Variants in EEF1AKMT3 observed in about 807,000 individuals in gnomAD.
The protein encoded by EEF1AKMT3 is EEF1A lysine methyltransferase 3, also known as eEF1A-KMT3.
A neutral mutation model predicts 17.8 loss-of-function variants in EEF1AKMT3; 17 were observed. The ratio of observed to expected loss-of-function variants is 0.96; its 90% CI spans 0.65 to 1.43. The LOEUF is 1.43. Ranked by LOEUF, EEF1AKMT3 falls within the 40% of genes most tolerant of loss-of-function variation. The pLI is 0.00. For synonymous variants in EEF1AKMT3, 116 were observed against 126.5 expected (o/e 0.92, Z 0.56); for missense variants, 244 against 285.8 (o/e 0.85, Z 1.06).
In EEF1AKMT3 at chr12:57,772,734, C is replaced by G. The variant is rs1168413226; in HGVS notation, c.10C>G (p.Pro4Ala). The change falls in exon 1 of 3, where the codon CCC (proline) becomes GCC (alanine). Residue 4 changes from proline (P) to alanine (A), a missense_variant. Coordinates refer to ENST00000300209, the MANE Select transcript of EEF1AKMT3 (RefSeq NM_015433.3). This position sits in a 1 kb window ranked among gnomAD's most constrained non-coding sequence, Gnocchi z 4.1. ...TCCCTTGGCGGGCCGGATGGCGGAC[C>G]CCGGCCCAGATCCCGAATCTGAGTC... is the stretch of plus-strand genomic sequence containing the variant. MAD[P>A]GPDPESESES... 6.2e-7 allele frequency: 1 copy of G among 1,612,912 alleles called. No homozygotes were observed. The highest frequency in any genetic ancestry group is 1.7e-5 in the Admixed American group (1 of 59,946).
At position 57,780,286 on chromosome 12, in the gene EEF1AKMT3, G is replaced by A. The variant is rs1054167497; in HGVS notation, c.321G>A (p.Leu107=). 6.2e-7 allele frequency: 1 copy of A among 1,613,730 alleles called. No individual in the cohort carries two copies. The highest frequency in any genetic ancestry group is 1.7e-5 in the Admixed American group (1 of 59,894). The change falls in exon 3 of 3, where the codon CTG becomes CTA. Residue 107 remains leucine, a synonymous_variant. Transcript: ENST00000300209. ...ATGTTACCATCACTGACCTGCCCCT[G>A]GCCCTAGAACAGATCCAGGGCAACG... ...GGDVTITDLP[L]ALEQIQGNVQ...
chr12:57,780,183 C>G, intron 2 of EEF1AKMT3, 72 bp from the exon 3 acceptor site: 1 of 1,572,574 alleles, frequency 6.4e-7, no homozygotes, highest in Non-Finnish European at 8.6e-7. Flanking sequence ...GGTCTCTGGA[C>G]CTTCCAGGCA....
intron 2 of EEF1AKMT3, among the ~76,000 whole-genome samples, chr12:57,776,528 A>G (rs1955481200): frequency 1.3e-5 from 2 of 152,030 alleles, no homozygotes; most frequent in Non-Finnish European, 1.5e-5. Context: ...TCTCTCGTCC[A>G]CTTTTTCTGC....
chr12:57,780,488 A>G lies in EEF1AKMT3; in HGVS notation c.523A>G (p.Thr175Ala), dbSNP rs746655093. 6.2e-7 allele frequency: 1 copy of G among 1,614,132 alleles called. No homozygotes were observed. Among genetic ancestry groups the G allele is most frequent in the Admixed American group, 1.7e-5 (1 of 60,018 alleles). Residue 175 changes from threonine (T) to alanine (A), a missense_variant, in exon 3 of 3, where the codon ACC becomes GCC. Transcript: ENST00000300209. ...TLQHLCRPHG[T>A]IYLASKMRKE... ...CCAACACCTGTGCAGGCCCCATGGCACCATCTATCTGGCCTCCAAGATGAG... is the reference window on the plus strand; with the variant it reads ...CCAACACCTGTGCAGGCCCCATGGCGCCATCTATCTGGCCTCCAAGATGAG...
In EEF1AKMT3 at chr12:57,772,681, C is replaced by G; in HGVS notation, c.-44C>G. ...CTCTACCCCGCTCCGGATCCGGGAT[C>G]TGAGCGCCGGCCGCGGTGCCCAGGC... On this transcript the variant is annotated 5_prime_UTR_variant, in exon 1 of 3. The change creates a new upstream start codon in the 5' untranslated region. Coordinates refer to ENST00000300209, the MANE Select transcript of EEF1AKMT3 (RefSeq NM_015433.3). This position sits in a 1 kb window ranked among gnomAD's most constrained non-coding sequence, Gnocchi z 4.1. 1 of 1,572,184 alleles carries G rather than the reference C, an allele frequency of 6.4e-7. No homozygotes were observed. The highest frequency in any genetic ancestry group is 8.6e-7 in the Non-Finnish European group (1 of 1,159,516).
intron 2 of EEF1AKMT3, 34 bp downstream of exon 2, chr12:57,773,162 G>T: frequency 6.3e-7 from 1 of 1,598,780 alleles, no homozygotes; most frequent in South Asian, 1.1e-5. Flanking sequence ...GAGAGAGTGG[G>T]GACCCAGGGG....
intron 2 of EEF1AKMT3, among the ~76,000 whole-genome samples, chr12:57,777,901 C>T (rs1345725020): frequency 6.6e-6 from 1 of 152,000 alleles, no homozygotes; most frequent in Non-Finnish European, 1.5e-5. Context: ...CGCCTGTAAT[C>T]CCAGCTACTT....
intron 2 of EEF1AKMT3, chr12:57,774,843 T>G (rs950351138): frequency 1.4e-6 from 2 of 1,411,644 alleles, no homozygotes; most frequent in African/African-American, 2.9e-5. Context: ...CGGTGGCTCA[T>G]GCCTATAATC....
In EEF1AKMT3 at chr12:57,778,307, T is replaced by TTTTTTTTTTTTTTTTTTTC. The variant is rs536788916; in HGVS notation, c.290-1947_290-1946insTTTTTTTTTTTTTTTTTCT. 1.2e-3 allele frequency among the ~76,000 whole-genome samples: 125 copies of TTTTTTTTTTTTTTTTTTTC among 105,384 alleles called. 25 individuals carry two copies. The highest frequency in any genetic ancestry group is 4.6e-3 in the East Asian group (11 of 2,378). The allele number at this position is 105,384 out of a possible 152,430, so 69.1% of individuals were successfully genotyped here. A position where few individuals can be genotyped will look rare whatever the true frequency, so the allele number is the denominator to read the frequency against. On this transcript the variant is annotated intron_variant, in intron 2 of 2. Coordinates refer to ENST00000300209, the MANE Select transcript of EEF1AKMT3 (RefSeq NM_015433.3). ...ACCATCCTGAGCTTTTTTTTTTTTT[T>TTTTTTTTTTTTTTTTTTTC]TGAGACAGGTTCTCACTCTGTTGCC...
At chr12:57,774,360 A>T (rs1955466454) in intron 2 of EEF1AKMT3, among the ~76,000 whole-genome samples, 1 of 152,198 alleles carries the variant, frequency 6.6e-6, no homozygotes, top group African/African-American at 2.4e-5. Context: ...TATGCCTGTA[A>T]TCTCAGCTAC....
chr12:57,780,525 G>T lies in EEF1AKMT3; in HGVS notation c.560G>T (p.Gly187Val). 6.2e-7 allele frequency: 1 copy of T among 1,614,080 alleles called. No homozygotes were observed. The highest frequency in any genetic ancestry group is 8.5e-7 in the Non-Finnish European group (1 of 1,179,996). The change falls in exon 3 of 3, where the codon GGG becomes GTG. Residue 187 changes from glycine (G) to valine (V), a missense_variant. Coordinates refer to ENST00000300209, the MANE Select transcript of EEF1AKMT3 (RefSeq NM_015433.3). ...YLASKMRKEH[G>V]TESFFQHLLP... is the part of the protein sequence containing the mutation. ...GCCTCCAAGATGAGAAAGGAGCATG[G>T]GACAGAGAGCTTCTTTCAGCACCTC...
chr12:57,772,986 A>G lies in EEF1AKMT3; in HGVS notation c.178-31A>G, dbSNP rs1565815895. 3.1e-6 allele frequency: 5 copies of G among 1,613,982 alleles called. No individual in the cohort carries two copies. In the South Asian group the frequency reaches 4.4e-5, roughly 14 times the overall value. On this transcript the variant is annotated intron_variant, in intron 1 of 2. Coordinates refer to ENST00000300209, the MANE Select transcript of EEF1AKMT3 (RefSeq NM_015433.3). This position sits in a 1 kb window ranked among gnomAD's most constrained non-coding sequence, Gnocchi z 4.1. ...TCTCCCATATGGAGCCATCCTCACG[A>G]CTGTCTTTTTCTCTGTCTTTTCTCC...
In EEF1AKMT3 at chr12:57,780,258, G is replaced by A. The variant is rs1168290794; in HGVS notation, c.293G>A (p.Gly98Glu). 6.2e-7 allele frequency: 1 copy of A among 1,611,758 alleles called. No homozygotes were observed. Among genetic ancestry groups the A allele is most frequent in the Admixed American group, 1.7e-5 (1 of 59,152 alleles). ...TTTCCTCCTTCCTCTCTCTCAGGGG[G>A]GGATGTTACCATCACTGACCTGCCC... The part of the protein sequence containing the change: ...IVGILAALQG[G>E]DVTITDLPLA... The change falls in exon 3 of 3, where the codon GGG becomes GAG. Residue 98 changes from glycine (G) to glutamate (E), a missense_variant. Physicochemically the swap from Gly to Glu is moderately conservative, Grantham distance 98. Transcript: ENST00000300209.
chr12:57,773,418 T>TTTTTG (rs576281582), intron 2 of EEF1AKMT3, among the ~76,000 whole-genome samples: 11 of 151,818 alleles, frequency 7.2e-5, no homozygotes, highest in African/African-American at 2.4e-4. Flanking sequence ...TTGCTTTTTT[T>TTTTTG]TTGTTTTTAA....
At chr12:57,777,102 G>GCCC (rs1329595243) in intron 2 of EEF1AKMT3, among the ~76,000 whole-genome samples, 1 of 152,068 alleles carries the variant, frequency 6.6e-6, no homozygotes, top group Non-Finnish European at 1.5e-5. Context: ...CTAAGGTCAA[G>GCCC]CCCCCCACTT....
Position 57,772,885 on chromosome 12 carries a change from C to T in EEF1AKMT3, c.161C>T (p.Ala54Val). ...QNFGSRLGVA[A>V]RVWDAALSLC... ...TTTGGGTCCCGCCTCGGGGTGGCGG[C>T]GCGCGTGTGGGACGCGGTGAGGAAT... The change falls in exon 1 of 3, where the codon GCG becomes GTG. Residue 54 changes from alanine (A) to valine (V), a missense_variant. Physicochemically the swap from Ala to Val is moderately conservative, Grantham distance 64. Transcript: ENST00000300209. The surrounding 1 kb of genome is among the most constrained non-coding windows in gnomAD (Gnocchi z 4.1). The T allele has an allele frequency of 1.2e-6, 2 of 1,614,006 alleles. No homozygotes were observed. The highest frequency in any genetic ancestry group is 1.7e-6 in the Non-Finnish European group (2 of 1,179,914).
intron 2 of EEF1AKMT3, among the ~76,000 whole-genome samples, chr12:57,774,127 C>T (rs1287544870): frequency 1.3e-5 from 2 of 152,186 alleles, no homozygotes; most frequent in Non-Finnish European, 2.9e-5. Context: ...CTTACAATGT[C>T]ATCTCCCTAG....
In EEF1AKMT3 at chr12:57,778,293, C is replaced by CTTTTTTTTTTTTTTTTTTTTTTT. The variant is rs56919999; in HGVS notation, c.290-1947_290-1946insTTTTTTTTTTTTTTTTTTTTTTT. The stretch of plus-strand genomic sequence containing the variant: ...CCAAACACCCAGAAACCATCCTGAG[C>CTTTTTTTTTTTTTTTTTTTTTTT]TTTTTTTTTTTTTTTGAGACAGGTT... On this transcript the variant is annotated intron_variant, in intron 2 of 2. Coordinates refer to ENST00000300209, the MANE Select transcript of EEF1AKMT3 (RefSeq NM_015433.3). Among the ~76,000 whole-genome samples the CTTTTTTTTTTTTTTTTTTTTTTT allele has an allele frequency of 1.0e-3, 45 of 43,996 alleles. 18 individuals carry two copies. Among genetic ancestry groups the CTTTTTTTTTTTTTTTTTTTTTTT allele is most frequent in the East Asian group, 3.7e-3 (2 of 544 alleles). 28.9% of individuals were successfully genotyped at this position (43,996 alleles called of 152,430 possible). A position where few individuals can be genotyped will look rare whatever the true frequency, so the allele number is the denominator to read the frequency against.
chr12:57,773,451 G>A (rs1955459316), intron 2 of EEF1AKMT3, among the ~76,000 whole-genome samples: 1 of 151,526 alleles, frequency 6.6e-6, no homozygotes. Flanking sequence ...TTTTGAGACG[G>A]AGTCTCACTG....
Sources: gnomAD v4.1 joint callset for allele counts (sites outside exome capture counted in the v4.1 genomes callset) on GRCh38, gnomAD v4.1.1 for gene constraint, Gnocchi (gnomAD v3.1) non-coding constraint, MANE v1.5 for transcripts, NCBI Gene and HGNC (gene_info 2026-07-23, HGNC 2026-07-21) for gene names.